Variants in NAV2 observed in about 807,000 individuals in gnomAD.
NAV2 encodes helicase, APC down-regulated 1.
Under a neutral mutation model 223.2 loss-of-function variants are expected in NAV2, and 54 were observed. That is an observed-to-expected ratio of 0.24 (90% CI 0.19 to 0.30). The LOEUF (loss-of-function observed/expected upper bound fraction) is 0.30, where lower values mean the gene tolerates loss of function less well. Among genes scored for constraint, NAV2 ranks in the 10% least tolerant of loss-of-function variants. NAV2 has a pLI of 1.00. For synonymous variants in NAV2, 1,279 were observed against 1,239.3 expected (o/e 1.03, Z -0.67); for missense variants, 2,806 against 3,147.5 (o/e 0.89, Z 2.60).
chr11:20,085,876 G>T (rs2060405916), intron 26 of NAV2, among the ~76,000 whole-genome samples: 2 of 152,198 alleles, frequency 1.3e-5, no homozygotes. Context: ...CCACTGACCA[G>T]GACTCAAAGC....
chr11:20,080,050 G>T lies in NAV2; in HGVS notation c.5180-14G>T. ...AGGTTGGCAGCTGCTGAAACACCCT[G>T]CCTTGGTCTCCAGGAAACGGCACTG... On this transcript the variant is annotated splice_polypyrimidine_tract_variant and intron_variant, in intron 24 of 37. Transcript: ENST00000349880. 6.2e-7 allele frequency: 1 copy of T among 1,612,780 alleles called. No homozygotes were observed. The highest frequency in any genetic ancestry group is 8.5e-7 in the Non-Finnish European group (1 of 1,179,810).
chr11:19,667,596 C>T (rs1302309116), intron 1 of NAV2, among the ~76,000 whole-genome samples: 1 of 152,150 alleles, frequency 6.6e-6, no homozygotes, highest in African/African-American at 2.4e-5. Flanking sequence ...GGTCCTAGAA[C>T]ATAATAATAG....
Position 20,045,135 on chromosome 11 carries a change from A to G in NAV2, c.3367A>G (p.Lys1123Glu). ...TGCCAATGCCAACAGCTTTGGGTTC[A>G]AGAAGCAGAGTGGTTCCGCCGCCGG... ...PTANANSFGFKKQSGSAAGLA... is the reference protein window; with the variant it reads ...PTANANSFGFEKQSGSAAGLA... The change falls in exon 14 of 38, where the codon AAG becomes GAG. Residue 1123 changes from lysine to glutamate, a missense_variant. Lys to Glu is a moderately conservative substitution (Grantham distance 56). Around this residue, in one of 4 missense-constraint regions of NAV2, gnomAD observed 742 missense variants for 777.9 expected, o/e 0.95. Coordinates refer to ENST00000349880, the MANE Select transcript of NAV2 (RefSeq NM_145117.5). 6.2e-7 allele frequency: 1 copy of G among 1,614,182 alleles called. No individual in the cohort carries two copies. The highest frequency in any genetic ancestry group is 8.5e-7 in the Non-Finnish European group (1 of 1,180,014).
intron 1 of NAV2, among the ~76,000 whole-genome samples, chr11:19,424,368 G>A (rs1023288885): frequency 6.6e-6 from 1 of 152,160 alleles, no homozygotes; most frequent in African/African-American, 2.4e-5. Context: ...TTTCCAGAAG[G>A]TTGGGCTGAA....
intron 10 of NAV2, among the ~76,000 whole-genome samples, chr11:19,972,291 G>A (rs1397427759): frequency 6.6e-6 from 1 of 152,198 alleles, no homozygotes; most frequent in Non-Finnish European, 1.5e-5. Context: ...AGTTTCTGAA[G>A]GTGACATCTG....
chr11:19,950,860 A>G (rs1336317739), intron 10 of NAV2, among the ~76,000 whole-genome samples: 2 of 152,230 alleles, frequency 1.3e-5, no homozygotes, highest in Non-Finnish European at 2.9e-5. Flanking sequence ...AGGTTCTACA[A>G]AGTACGGGCA....
At chr11:19,591,840 C>T (rs2046071757) in intron 1 of NAV2, among the ~76,000 whole-genome samples, 1 of 152,230 alleles carries the variant, frequency 6.6e-6, no homozygotes, top group Admixed American at 6.5e-5. Context: ...CAGCAGAGTT[C>T]TGCCTGGCTT....
intron 10 of NAV2, among the ~76,000 whole-genome samples, chr11:19,976,787 C>T (rs892537774): frequency 1.3e-5 from 2 of 152,176 alleles, no homozygotes; most frequent in African/African-American, 4.8e-5. Context: ...TGTGTGTTCT[C>T]CTGGGGGATG....
intron 1 of NAV2, among the ~76,000 whole-genome samples, chr11:19,671,800 C>T (rs888376702): frequency 6.6e-6 from 1 of 152,182 alleles, no homozygotes; most frequent in African/African-American, 2.4e-5. Context: ...CGAAAACAGG[C>T]CAAGGGCCAG....
In NAV2 at chr11:20,118,998, G is replaced by A. The variant is rs150076892; in HGVS notation, c.*740G>A. On this transcript the variant is annotated 3_prime_UTR_variant, in exon 38 of 38. Transcript: ENST00000349880. ...TGAGTGACGGAGTGAGAGTGTGAGC[G>A]AGTGGATGTGGCTGTCAGTGCAGAA... The A allele has an allele frequency of 7.3e-3, 1,115 of 152,462 alleles. 6 individuals are homozygous for A. Among genetic ancestry groups the A allele is most frequent in the Middle Eastern group, 0.051 (15 of 294 alleles). The allele number at this position is 152,462 out of a possible 1,614,324, so 9.4% of individuals were successfully genotyped here.
intron 1 of NAV2, among the ~76,000 whole-genome samples, chr11:19,428,127 G>A (rs1028425322): frequency 3.9e-5 from 6 of 152,048 alleles, no homozygotes; most frequent in Admixed American, 2.6e-4. Context: ...TTACAAATAC[G>A]TTTAAATCTT....
intron 22 of NAV2, among the ~76,000 whole-genome samples, chr11:20,074,765 T>C (rs1173230729): frequency 1.4e-5 from 2 of 141,772 alleles, no homozygotes; most frequent in African/African-American, 5.5e-5. Context: ...CTCTGCTTTT[T>C]TTTTTTTTTT....
At chr11:19,500,575 T>C (rs1032190) in intron 1 of NAV2, among the ~76,000 whole-genome samples, 44,309 of 152,104 alleles carry the variant, frequency 0.29, 6,710 homozygotes, top group Middle Eastern at 0.35. Context: ...AGGAGGAAGA[T>C]AGTATTAGTT....
chr11:19,891,326 C>T (rs2041478774), intron 5 of NAV2, among the ~76,000 whole-genome samples: 1 of 152,280 alleles, frequency 6.6e-6, no homozygotes, highest in South Asian at 2.1e-4. Flanking sequence ...CTAAACATTT[C>T]ATCATTTATT....
intron 24 of NAV2, among the ~76,000 whole-genome samples, chr11:20,079,075 C>T (rs1160620897): frequency 1.3e-5 from 2 of 152,158 alleles, no homozygotes; most frequent in Non-Finnish European, 2.9e-5. Flanking sequence ...GAGTTTCACT[C>T]TGTTGCCCAG....
Position 20,118,466 on chromosome 11 carries a change from C to T in NAV2, c.*208C>T. 1.7e-6 allele frequency: 1 copy of T among 591,208 alleles called. No individual in the cohort carries two copies. Among genetic ancestry groups the T allele is most frequent in the Non-Finnish European group, 3.0e-6 (1 of 330,438 alleles). 36.6% of individuals were successfully genotyped at this position (591,208 alleles called of 1,614,324 possible). A position where few individuals can be genotyped will look rare whatever the true frequency, so the allele number is the denominator to read the frequency against. ...GGACCGCTTCCTTCCACAGCGAGAA[C>T]TGCACTACCTTCTGTTGTACTTTAA... On this transcript the variant is annotated 3_prime_UTR_variant, in exon 38 of 38. Transcript: ENST00000349880.
At chr11:19,691,903 T>G (rs1397137286) in intron 1 of NAV2, among the ~76,000 whole-genome samples, 1 of 152,226 alleles carries the variant, frequency 6.6e-6, no homozygotes, top group Admixed American at 6.5e-5. Context: ...GCTAAATGCT[T>G]GAAGGCCTGT....
chr11:19,501,741 G>A (rs1590345698), intron 1 of NAV2, among the ~76,000 whole-genome samples: 1 of 151,582 alleles, frequency 6.6e-6, no homozygotes, highest in Non-Finnish European at 1.5e-5. Context: ...TTTATGGTAG[G>A]GTAGCAGCAG....
chr11:19,667,484 G>A (rs56932340), intron 1 of NAV2, among the ~76,000 whole-genome samples: 2,604 of 152,330 alleles, frequency 0.017, 68 homozygotes, highest in African/African-American at 0.059. Context: ...AAGAAACAGA[G>A]TGAAGAGGAG....
Sources: gnomAD v4.1 joint callset for allele counts (sites outside exome capture counted in the v4.1 genomes callset) on GRCh38, gnomAD v4.1.1 for gene constraint, gnomAD v4.1.1 regional missense constraint, MANE v1.5 for transcripts, NCBI Gene and HGNC (gene_info 2026-07-23, HGNC 2026-07-21) for gene names.